GSG1L: variants seen among roughly 807,000 people sequenced by gnomAD.
GSG1L encodes the protein GSG1 like.
In GSG1L, 24 loss-of-function variants were observed where a neutral mutation model predicts 42.1. The ratio of observed to expected loss-of-function variants is 0.57; its 90% CI spans 0.41 to 0.80. The LOEUF (loss-of-function observed/expected upper bound fraction) is 0.80. GSG1L is among the 30% of genes least tolerant of loss of function. The pLI is 0.00. For missense variants in GSG1L, 445 were observed against 472.2 expected, an observed-to-expected ratio of 0.94 and a Z score of 0.53; for synonymous variants, 215 against 203.5, an observed-to-expected ratio of 1.06 and a Z score of -0.48.
intron 6 of GSG1L, among the ~76,000 whole-genome samples, chr16:27,795,965 G>T (rs2082813510): frequency 6.6e-6 from 1 of 152,120 alleles, no homozygotes; most frequent in East Asian, 1.9e-4. Flanking sequence ...TCATTGGGTT[G>T]GGAGGGCCCT....
rs1167543150 is a variant in GSG1L, at chr16:27,790,565, G to A, written c.*805C>T. On this transcript the variant is annotated 3_prime_UTR_variant, in exon 7 of 7. Transcript: ENST00000447459. Reference sequence around the variant, plus strand: ...CAGGGTAAAGCCTCCTCAGGGTCAGGGTGGTGTGATGTTGCTGAGCTCTGA... The same window carrying A: ...CAGGGTAAAGCCTCCTCAGGGTCAGAGTGGTGTGATGTTGCTGAGCTCTGA... 1 of 152,292 alleles carries A rather than the reference G, an allele frequency of 6.6e-6. No homozygotes were observed. The highest frequency in any genetic ancestry group is 2.4e-5 in the African/African-American group (1 of 41,454). 9.4% of individuals were successfully genotyped at this position (152,292 alleles called of 1,614,324 possible).
At chr16:27,877,560 GA>G (rs1414513060) in intron 3 of GSG1L, among the ~76,000 whole-genome samples, 1 of 152,150 alleles carries the variant, frequency 6.6e-6, no homozygotes, top group Non-Finnish European at 1.5e-5. Flanking sequence ...AAGGGAGCCA[GA>G]AGTCACCAAC....
intron 3 of GSG1L, among the ~76,000 whole-genome samples, chr16:27,857,697 C>A (rs570159963): frequency 6.6e-6 from 1 of 152,122 alleles, no homozygotes; most frequent in East Asian, 1.9e-4. Flanking sequence ...CGGACTCCCC[C>A]TCCCTGAGAC....
rs148140986 is a variant in GSG1L at position 27,822,967 on chromosome 16, C to T, written c.830+5822G>A. Among the ~76,000 whole-genome samples, 259 of 152,340 alleles carry T rather than the reference C, an allele frequency of 1.7e-3. 1 individual carries two copies. The highest frequency in any genetic ancestry group is 5.7e-3 in the African/African-American group (239 of 41,574). On this transcript the variant is annotated intron_variant, in intron 5 of 6. Coordinates refer to ENST00000447459, the MANE Select transcript of GSG1L (RefSeq NM_001109763.2). ...GCTCCGGGGGCTTCCGTCCCCCACA[C>T]AGTGCCACATTCCCAAGTGAGGCGG...
intron 2 of GSG1L, among the ~76,000 whole-genome samples, chr16:27,961,431 G>A (rs72784149): frequency 0.11 from 16,841 of 151,452 alleles, 1,184 homozygotes; most frequent in East Asian, 0.24. Context: ...GAAGGCTGCA[G>A]ACAGTGGAGA....
At chr16:27,988,076 T>C (rs1045703158) in intron 1 of GSG1L, among the ~76,000 whole-genome samples, 5 of 152,270 alleles carry the variant, frequency 3.3e-5, no homozygotes, top group Middle Eastern at 3.4e-3. Flanking sequence ...GTCTGAGTCA[T>C]TTCTAGGTAA....
chr16:27,815,728 T>A (rs2083087408), intron 5 of GSG1L, among the ~76,000 whole-genome samples: 2 of 152,188 alleles, frequency 1.3e-5, no homozygotes, highest in African/African-American at 2.4e-5. Context: ...AATATACCTA[T>A]TCTTCTGGTT....
chr16:28,063,213 G>A lies in GSG1L; in HGVS notation c.212C>T (p.Ala71Val). 7.9e-7 allele frequency: 1 copy of A among 1,262,422 alleles called. No homozygotes were observed. Among genetic ancestry groups the A allele is most frequent in the Non-Finnish European group, 9.9e-7 (1 of 1,008,006 alleles). The allele number at this position is 1,262,422 out of a possible 1,614,324, so 78.2% of individuals were successfully genotyped here. A position where few individuals can be genotyped will look rare whatever the true frequency, so the allele number is the denominator to read the frequency against. Residue 71 changes from alanine to valine, a missense_variant, in exon 1 of 7, where the codon GCC becomes GTC. This residue lies in a region of GSG1L where 156 missense variants were observed against 128.3 expected (regional missense o/e 1.22). Coordinates refer to ENST00000447459, the MANE Select transcript of GSG1L (RefSeq NM_001109763.2). This position sits in a 1 kb window ranked among gnomAD's most constrained non-coding sequence, Gnocchi z 5.8. ...ANGTAAPAAA[A>V]AAATASGNGP... ...GTTCCCCGAGGCGGTGGCGGCGGCG[G>A]CGGCGGCGGCGGGGGCGGCGGTGCC...
At position 27,914,933 on chromosome 16, in the gene GSG1L, T is replaced by A. The variant is rs910548215; in HGVS notation, c.398-30295A>T. Among the ~76,000 whole-genome samples the A allele has an allele frequency of 3.3e-4, 50 of 152,118 alleles. 1 individual carries two copies. The highest frequency in any genetic ancestry group is 7.2e-4 in the Admixed American group (11 of 15,274). ...GAAGGGACCATAGACAAGTGGCAGG[T>A]GACATTCTTCTGCCTAAACTTCGGA... On this transcript the variant is annotated intron_variant, in intron 2 of 6. Transcript: ENST00000447459.
At chr16:27,816,594 A>G (rs1292946965) in intron 5 of GSG1L, among the ~76,000 whole-genome samples, 1 of 152,232 alleles carries the variant, frequency 6.6e-6, no homozygotes, top group African/African-American at 2.4e-5. Flanking sequence ...TGGCTGTCCA[A>G]TACAAAACAG....
chr16:27,865,562 TATATATATATACACACACAC>T (rs1253666430), intron 3 of GSG1L, among the ~76,000 whole-genome samples: 12 of 25,958 alleles, frequency 4.6e-4, no homozygotes, highest in African/African-American at 1.8e-3. Context: ...TATATATATA[TATATATATATACACACACAC>T]ATACATACAT....
At chr16:28,006,912 C>T (rs977580256) in intron 1 of GSG1L, among the ~76,000 whole-genome samples, 5 of 152,162 alleles carry the variant, frequency 3.3e-5, no homozygotes, top group African/African-American at 1.2e-4. Flanking sequence ...GACCCACACA[C>T]TGGCCTTTGC....
chr16:27,895,167 T>C (rs114084003), intron 2 of GSG1L, among the ~76,000 whole-genome samples: 2,515 of 152,240 alleles, frequency 0.017, 68 homozygotes, highest in African/African-American at 0.057. Context: ...TTTAAAAATA[T>C]CTGAATTCAT....
Position 28,040,989 on chromosome 16 carries a change from A to G in GSG1L, c.349+22087T>C, listed in dbSNP as rs970970442. ...TCCGTGTCCTCTCAATCTCACATCA[A>G]CCCCTAAGATGTTTGGTTTTTATGT... On this transcript the variant is annotated intron_variant, in intron 1 of 6. Transcript: ENST00000447459. The surrounding 1 kb of genome is among the most constrained non-coding windows in gnomAD (Gnocchi z 4.1). 2.0e-5 allele frequency among the ~76,000 whole-genome samples: 3 copies of G among 152,158 alleles called. No homozygotes were observed. The South Asian group carries it at 6.2e-4, about 32-fold the overall frequency.
At chr16:28,049,998 CT>C (rs2086204842) in intron 1 of GSG1L, among the ~76,000 whole-genome samples, 1 of 152,168 alleles carries the variant, frequency 6.6e-6, no homozygotes, top group African/African-American at 2.4e-5. Flanking sequence ...AAGGAAGCTC[CT>C]TGAGGGCAGG....
At chr16:27,903,035 G>A (rs1313006318) in intron 2 of GSG1L, among the ~76,000 whole-genome samples, 2 of 152,144 alleles carry the variant, frequency 1.3e-5, no homozygotes, top group Non-Finnish European at 2.9e-5. Context: ...AGAGGCTGCA[G>A]GGATCCAGAA....
chr16:27,987,987 C>G (rs938682450), intron 1 of GSG1L, among the ~76,000 whole-genome samples: 3 of 148,624 alleles, frequency 2.0e-5, no homozygotes, highest in Non-Finnish European at 4.4e-5. Flanking sequence ...ATAATCGTGT[C>G]ATAGTTTCAA....
intron 1 of GSG1L, among the ~76,000 whole-genome samples, chr16:28,054,018 C>T (rs1404292462): frequency 6.6e-6 from 1 of 152,126 alleles, no homozygotes; most frequent in African/African-American, 2.4e-5. Flanking sequence ...CCCTCGCAGC[C>T]TCCCTCTGCA....
At chr16:27,827,269 T>C (rs770885240) in intron 5 of GSG1L, among the ~76,000 whole-genome samples, 1 of 152,098 alleles carries the variant, frequency 6.6e-6, no homozygotes, top group Non-Finnish European at 1.5e-5. Flanking sequence ...ACTGGGAGCA[T>C]AGGGACCCCA....
Sources: allele counts gnomAD v4.1 joint callset (sites outside exome capture counted in the v4.1 genomes callset), GRCh38; gene constraint gnomAD v4.1.1; regional missense constraint gnomAD v4.1.1; non-coding constraint Gnocchi (gnomAD v3.1); transcripts MANE v1.5; gene names NCBI Gene and HGNC (gene_info 2026-07-23, HGNC 2026-07-21).